PLCB1: variants seen among roughly 807,000 people sequenced by gnomAD.
PLCB1 encodes 1-phosphatidylinositol 4,5-bisphosphate phosphodiesterase beta-1.
Under a neutral mutation model 161.8 loss-of-function variants are expected in PLCB1, and 46 were observed. The ratio of observed to expected loss-of-function variants is 0.28; its 90% confidence interval spans 0.22 to 0.36. The LOEUF (loss-of-function observed/expected upper bound fraction) is 0.36. Among genes scored for constraint, PLCB1 ranks in the 10% least tolerant of loss-of-function variants. PLCB1 has a pLI of 1.00. For missense variants in PLCB1, 1,016 were observed against 1,472.5 expected (o/e 0.69, Z 5.07); for synonymous variants, 517 against 503.7 (o/e 1.03, Z -0.35).
intron 3 of PLCB1, among the ~76,000 whole-genome samples, chr20:8,578,327 G>T (rs1308833749): frequency 6.6e-6 from 1 of 152,176 alleles, no homozygotes; most frequent in Non-Finnish European, 1.5e-5. Context: ...GTGTGTGAAG[G>T]TTGTAAATGA....
At chr20:8,585,959 C>T (rs1044960718) in intron 3 of PLCB1, among the ~76,000 whole-genome samples, 3 of 152,154 alleles carry the variant, frequency 2.0e-5, no homozygotes. Flanking sequence ...AAACCTCCTT[C>T]AGAAGAGTTT....
At position 8,245,498 on chromosome 20, in the gene PLCB1, A is replaced by G. The variant is rs1232778268; in HGVS notation, c.177+95127A>G. 2.6e-5 allele frequency among the ~76,000 whole-genome samples: 4 copies of G among 151,924 alleles called. No individual in the cohort carries two copies. The East Asian group carries it at 7.8e-4, about 29-fold the overall frequency. ...TGGCCCAGTAGTCCCTGCTGTAGAT[A>G]TAGCATAATTTACTTAAGCAGTTCT... On this transcript the variant is annotated intron_variant, in intron 2 of 31. Transcript: ENST00000338037.
chr20:8,737,871 T>C (rs1260963400), intron 20 of PLCB1, among the ~76,000 whole-genome samples: 1 of 152,252 alleles, frequency 6.6e-6, no homozygotes, highest in African/African-American at 2.4e-5. Context: ...ATATGTTAAC[T>C]GAGTTTAATA....
chr20:8,275,395 G>T (rs563643766), intron 2 of PLCB1, among the ~76,000 whole-genome samples: 1 of 152,148 alleles, frequency 6.6e-6, no homozygotes, highest in African/African-American at 2.4e-5. Flanking sequence ...TCCTCAGTGA[G>T]AAGCATCTTT....
At chr20:8,142,410 G>A (rs11907413) in intron 1 of PLCB1, among the ~76,000 whole-genome samples, 37,241 of 152,164 alleles carry the variant, frequency 0.24, 4,941 homozygotes, top group East Asian at 0.35. Context: ...GTGTGTTTGA[G>A]AAGGAAACTA....
intron 31 of PLCB1, among the ~76,000 whole-genome samples, chr20:8,808,102 C>T (rs1984629527): frequency 6.6e-6 from 1 of 152,176 alleles, no homozygotes; most frequent in South Asian, 2.1e-4. Context: ...ATGCGAGTAT[C>T]ATGTTACTTG....
chr20:8,297,554 G>A (rs913931698), intron 2 of PLCB1, among the ~76,000 whole-genome samples: 1 of 152,088 alleles, frequency 6.6e-6, no homozygotes, highest in African/African-American at 2.4e-5. Context: ...ATGGAGAAAG[G>A]CAATTGAATG....
intron 3 of PLCB1, among the ~76,000 whole-genome samples, chr20:8,557,852 G>T (rs1288834015): frequency 6.6e-6 from 1 of 151,844 alleles, no homozygotes; most frequent in African/African-American, 2.4e-5. Context: ...TATTCAAAAT[G>T]TCTTGTTCTC....
intron 3 of PLCB1, among the ~76,000 whole-genome samples, chr20:8,555,012 G>A (rs1306884276): frequency 6.6e-6 from 1 of 151,938 alleles, no homozygotes; most frequent in Non-Finnish European, 1.5e-5. Context: ...TGGGAGGAAG[G>A]GAATCTTAAG....
chr20:8,294,495 T>C (rs1213350513), intron 2 of PLCB1, among the ~76,000 whole-genome samples: 1 of 151,922 alleles, frequency 6.6e-6, no homozygotes, highest in Non-Finnish European at 1.5e-5. Flanking sequence ...CTTACACATA[T>C]GTGTGCATGT....
intron 31 of PLCB1, among the ~76,000 whole-genome samples, chr20:8,827,376 G>A (rs1409712705): frequency 2.0e-5 from 3 of 152,130 alleles, no homozygotes; most frequent in Non-Finnish European, 4.4e-5. Context: ...CAGAGTTATG[G>A]CTATATAACT....
intron 2 of PLCB1, among the ~76,000 whole-genome samples, chr20:8,194,599 G>GAATAATAGAGA (rs1266260417): frequency 6.6e-6 from 1 of 151,940 alleles, no homozygotes; most frequent in Admixed American, 6.6e-5. Flanking sequence ...AAATTATGAT[G>GAATAATAGAGA]AATAATAGAG....
chr20:8,373,518 G>A (rs993966300), intron 3 of PLCB1, among the ~76,000 whole-genome samples: 3 of 152,176 alleles, frequency 2.0e-5, no homozygotes, highest in African/African-American at 7.2e-5. Flanking sequence ...AAATGCTGAT[G>A]TGTGTTTTCC....
chr20:8,755,615 G>A (rs544636896), intron 23 of PLCB1, among the ~76,000 whole-genome samples: 1 of 152,166 alleles, frequency 6.6e-6, no homozygotes, highest in East Asian at 1.9e-4. Context: ...ATTAGCTGCT[G>A]GAGGGTGTCG....
chr20:8,518,797 A>G (rs948376100), intron 3 of PLCB1, among the ~76,000 whole-genome samples: 5 of 152,004 alleles, frequency 3.3e-5, no homozygotes, highest in African/African-American at 1.2e-4. Context: ...AACTCACCAT[A>G]ATGTAGAATC....
At chr20:8,517,031 GT>G (rs897635875) in intron 3 of PLCB1, among the ~76,000 whole-genome samples, 5 of 152,064 alleles carry the variant, frequency 3.3e-5, no homozygotes, top group Non-Finnish European at 1.5e-5. Flanking sequence ...AGCAGAGTGG[GT>G]GCTAGAGCTG....
At chr20:8,414,383 A>C (rs1979180824) in intron 3 of PLCB1, among the ~76,000 whole-genome samples, 1 of 152,204 alleles carries the variant, frequency 6.6e-6, no homozygotes, top group Admixed American at 6.5e-5. Flanking sequence ...CTTGGAAATA[A>C]GATTTGTGAA....
chr20:8,664,499 A>G (rs1321996394), intron 9 of PLCB1, among the ~76,000 whole-genome samples: 4 of 152,158 alleles, frequency 2.6e-5, no homozygotes, highest in African/African-American at 4.8e-5. Context: ...GTATTATACA[A>G]TTAAGCTATA....
At chr20:8,194,216 T>G (rs2052000021) in intron 2 of PLCB1, among the ~76,000 whole-genome samples, 1 of 152,042 alleles carries the variant, frequency 6.6e-6, no homozygotes, top group Non-Finnish European at 1.5e-5. Context: ...TTAAGATCTT[T>G]TCTTTGCAAA....
Sources: allele counts gnomAD v4.1 joint callset (sites outside exome capture counted in the v4.1 genomes callset), GRCh38; gene constraint gnomAD v4.1.1; transcripts MANE v1.5; gene names NCBI Gene and HGNC (gene_info 2026-07-23, HGNC 2026-07-21).